Variants in RYR3 observed in about 807,000 individuals in gnomAD.
RYR3 encodes brain ryanodine receptor-calcium release channel.
Under a neutral mutation model 584.3 loss-of-function variants are expected in RYR3, and 207 were observed. The observed-to-expected ratio is 0.35, with a 90% CI of 0.32 to 0.40. The LOEUF (loss-of-function observed/expected upper bound fraction) is 0.40, where lower values mean the gene tolerates loss of function less well. RYR3 is among the 10% of genes least tolerant of loss of function. The pLI is 1.00. For missense variants in RYR3, 5,616 were observed against 6,089.2 expected, an observed-to-expected ratio of 0.92 and a Z score of 2.59; for synonymous variants, 2,416 against 2,248.5, an observed-to-expected ratio of 1.07 and a Z score of -2.11.
chr15:33,690,347 C>G (rs577349275), intron 38 of RYR3, among the ~76,000 whole-genome samples: 7 of 152,316 alleles, frequency 4.6e-5, no homozygotes, highest in African/African-American at 1.4e-4. Context: ...TAGCAGGTTG[C>G]CCTTTGGTGA....
chr15:33,859,494 G>A (rs554055345), intron 99 of RYR3, 81 bp from the exon 100 acceptor site: 59 of 1,521,172 alleles, frequency 3.9e-5, no homozygotes, highest in East Asian at 3.4e-4. Flanking sequence ...CAATCTGACC[G>A]AATCATATGA....
Position 33,563,131 on chromosome 15 carries a change from G to C in RYR3, c.1146+121G>C, listed in dbSNP as rs554448902. The C allele has an allele frequency of 2.9e-5, 24 of 825,332 alleles. No individual in the cohort carries two copies. The South Asian group carries it at 4.8e-4, about 17-fold the overall frequency. 51.1% of individuals were successfully genotyped at this position (825,332 alleles called of 1,614,324 possible). ...GATTTACTTCTTACTATTCAGAAGA[G>C]TTATTTTGTGATGGATTGTACACAG... On this transcript the variant is annotated intron_variant, in intron 11 of 103. Transcript: ENST00000634891.
chr15:33,398,386 A>C (rs1265811949), intron 1 of RYR3, among the ~76,000 whole-genome samples: 1 of 152,216 alleles, frequency 6.6e-6, no homozygotes, highest in Non-Finnish European at 1.5e-5. Context: ...TCTAAAGAAC[A>C]TAAACAGTGA....
At chr15:33,691,706 AT>A in intron 38 of RYR3, among the ~76,000 whole-genome samples, 1 of 152,334 alleles carries the variant, frequency 6.6e-6, no homozygotes, top group African/African-American at 2.4e-5. Flanking sequence ...TCTCTGTACC[AT>A]TCTATCACAG....
At chr15:33,597,536 G>A (rs1459985740) in intron 16 of RYR3, among the ~76,000 whole-genome samples, 2 of 151,438 alleles carry the variant, frequency 1.3e-5, no homozygotes, top group South Asian at 2.1e-4. Flanking sequence ...GCTTGAACCC[G>A]GGAGGCGGAG....
intron 12 of RYR3, among the ~76,000 whole-genome samples, chr15:33,579,454 A>G (rs986835427): frequency 2.2e-4 from 25 of 114,950 alleles, no homozygotes; most frequent in Non-Finnish European, 1.2e-4. Context: ...GGATTAATCA[A>G]TGCCAAGAAG....
chr15:33,379,395 A>T (rs2141172148), intron 1 of RYR3, among the ~76,000 whole-genome samples: 1 of 152,256 alleles, frequency 6.6e-6, no homozygotes, highest in East Asian at 1.9e-4. Flanking sequence ...GGACATTGGA[A>T]CTGGGCATTT....
intron 19 of RYR3, among the ~76,000 whole-genome samples, chr15:33,620,842 T>C (rs2060691218): frequency 6.6e-6 from 1 of 152,204 alleles, no homozygotes; most frequent in Non-Finnish European, 1.5e-5. Context: ...ATCTGCCTGC[T>C]GAGGGCACAG....
rs768624366 is a variant in RYR3 at position 33,854,842 on chromosome 15, T to C, written c.13937T>C (p.Leu4646Pro). 1 of 1,613,920 alleles carries C rather than the reference T, an allele frequency of 6.2e-7. No homozygotes were observed. Among genetic ancestry groups the C allele is most frequent in the South Asian group, 1.1e-5 (1 of 91,058 alleles). The change falls in exon 98 of 104, where the codon CTA becomes CCA. Residue 4646 changes from leucine (L) to proline (P), a missense_variant. Physicochemically the swap from Leu to Pro is moderately conservative, Grantham distance 98 (BLOSUM62 -3). Coordinates refer to ENST00000634891, the MANE Select transcript of RYR3 (RefSeq NM_001036.6). ...AATAACTTCTTCTTTGCTGCTCACCTATTGGACATCGCAATGGGCTTCAAG... is the reference window on the plus strand; with the variant it reads ...AATAACTTCTTCTTTGCTGCTCACCCATTGGACATCGCAATGGGCTTCAAG... ...HYNNFFFAAHLLDIAMGFKTL... is the reference protein window; with the variant it reads ...HYNNFFFAAHPLDIAMGFKTL...
At chr15:33,756,549 C>A (rs775012283) in intron 59 of RYR3, among the ~76,000 whole-genome samples, 176 bp downstream of exon 59, 3 of 152,108 alleles carry the variant, frequency 2.0e-5, no homozygotes, top group African/African-American at 7.2e-5. Flanking sequence ...AGGAGGGATG[C>A]AGTCTGCCTA....
At chr15:33,460,354 G>T (rs1209057111) in intron 1 of RYR3, among the ~76,000 whole-genome samples, 1 of 152,242 alleles carries the variant, frequency 6.6e-6, no homozygotes, top group African/African-American at 2.4e-5. Flanking sequence ...TGGGAGTGGT[G>T]AGTGATGGAC....
intron 1 of RYR3, among the ~76,000 whole-genome samples, chr15:33,314,292 G>C (rs991929902): frequency 6.6e-6 from 1 of 152,122 alleles, no homozygotes; most frequent in Non-Finnish European, 1.5e-5. Flanking sequence ...CCTCTCTTCC[G>C]ATTGCTCTTG....
At chr15:33,566,394 T>C (rs76587849) in intron 11 of RYR3, among the ~76,000 whole-genome samples, 3,421 of 152,328 alleles carry the variant, frequency 0.022, 54 homozygotes, top group Non-Finnish European at 0.036. Context: ...AGGTATGTTA[T>C]CGCCCTTTCA....
chr15:33,725,976 C>CAA (rs61503360), intron 45 of RYR3, among the ~76,000 whole-genome samples: 4 of 31,518 alleles, frequency 1.3e-4, no homozygotes, highest in African/African-American at 2.1e-4. Context: ...TCCCCCCCCC[C>CAA]AAAAAAAAAA....
chr15:33,606,166 T>G (rs917032585), intron 18 of RYR3, among the ~76,000 whole-genome samples: 3 of 152,208 alleles, frequency 2.0e-5, no homozygotes, highest in Non-Finnish European at 4.4e-5. Flanking sequence ...TGTTTCTTTT[T>G]TTTATATTGG....
chr15:33,572,658 T>TATACAC lies in RYR3; in HGVS notation c.1268+5860_1268+5861insTACACA, dbSNP rs533341248. Among the ~76,000 whole-genome samples, 175 of 124,506 alleles carry TATACAC rather than the reference T, an allele frequency of 1.4e-3. 3 individuals carry two copies. The highest frequency in any genetic ancestry group is 9.8e-4 in the African/African-American group (30 of 30,676). The allele number at this position is 124,506 out of a possible 152,430, so 81.7% of individuals were successfully genotyped here. A position where few individuals can be genotyped will look rare whatever the true frequency, so the allele number is the denominator to read the frequency against. ...TAAATTAAAAAAAAAAAACTATATA[T>TATACAC]ACACACACACACACACACACACACA... On this transcript the variant is annotated intron_variant, in intron 12 of 103. Transcript: ENST00000634891.
intron 103 of RYR3, 55 bp from the exon 104 acceptor site, chr15:33,865,076 G>A: frequency 7.0e-7 from 1 of 1,427,722 alleles, no homozygotes; most frequent in Non-Finnish European, 9.8e-7. Flanking sequence ...AACAAACTGG[G>A]TTTTAGCTTT....
intron 65 of RYR3, among the ~76,000 whole-genome samples, chr15:33,783,507 G>C (rs751589733): frequency 6.6e-6 from 1 of 152,178 alleles, no homozygotes; most frequent in Non-Finnish European, 1.5e-5. Context: ...AACTTTTAAA[G>C]GTCATTATAA....
chr15:33,491,544 A>C (rs929096250), intron 2 of RYR3, among the ~76,000 whole-genome samples: 1 of 152,166 alleles, frequency 6.6e-6, no homozygotes, highest in African/African-American at 2.4e-5. Context: ...CATTCTGCCT[A>C]GTGTTGCCAA....
Sources: allele counts gnomAD v4.1 joint callset (sites outside exome capture counted in the v4.1 genomes callset), GRCh38; gene constraint gnomAD v4.1.1; transcripts MANE v1.5; gene names NCBI Gene and HGNC (gene_info 2026-07-23, HGNC 2026-07-21).